IRAG1: variants seen among roughly 807,000 people sequenced by gnomAD.
IRAG1 encodes inositol 1,4,5-triphosphate receptor associated 1.
In IRAG1, 62 loss-of-function variants were observed where a neutral mutation model predicts 106.2. That is an observed-to-expected ratio of 0.58 (90% CI 0.48 to 0.72). IRAG1 has a LOEUF of 0.72. Ranked by LOEUF, IRAG1 falls within the 30% of genes least tolerant of loss-of-function variation. IRAG1 has a pLI of 0.00. For missense variants in IRAG1, 1,064 were observed against 1,140.7 expected, an observed-to-expected ratio of 0.93 and a Z score of 0.97; for synonymous variants, 462 against 443.9, an observed-to-expected ratio of 1.04 and a Z score of -0.51.
intron 2 of IRAG1, among the ~76,000 whole-genome samples, chr11:10,645,136 T>C (rs1564925760): frequency 6.6e-6 from 1 of 152,178 alleles, no homozygotes; most frequent in Non-Finnish European, 1.5e-5. Context: ...TAAACATTTA[T>C]TGAGCAAATT....
In IRAG1 at chr11:10,580,569, T is replaced by G; in HGVS notation, c.2381A>C (p.Lys794Thr). The change falls in exon 20 of 21, where the codon AAG becomes ACG. Residue 794 changes from lysine (K) to threonine (T), a missense_variant. Coordinates refer to ENST00000423302, the MANE Select transcript of IRAG1 (RefSeq NM_130385.4). ...YSKGFQEGLKKTKELQDLKEE... is the reference protein window; with the variant it reads ...YSKGFQEGLKTTKELQDLKEE... ...CTTCAGGTCTTGAAGTTCTTTGGTC[T>G]TCTTTAGACCTTCTTGGAATCTGGG... is the stretch of plus-strand genomic sequence containing the variant. 6.2e-7 allele frequency: 1 copy of G among 1,613,902 alleles called. No individual in the cohort carries two copies. Among genetic ancestry groups the G allele is most frequent in the Non-Finnish European group, 8.5e-7 (1 of 1,179,872 alleles).
chr11:10,684,643 T>C (rs1186217333), intron 1 of IRAG1, among the ~76,000 whole-genome samples: 1 of 144,458 alleles, frequency 6.9e-6, no homozygotes, highest in Admixed American at 6.8e-5. Context: ...ATAATAATAA[T>C]AATAAAGAGA....
At chr11:10,624,295 G>A (rs1284406232) in intron 9 of IRAG1, among the ~76,000 whole-genome samples, 1 of 152,190 alleles carries the variant, frequency 6.6e-6, no homozygotes, top group African/African-American at 2.4e-5. Flanking sequence ...TTCCTGCCCT[G>A]TCATTCCGGG....
At chr11:10,677,219 C>G (rs1212247562) in intron 1 of IRAG1, among the ~76,000 whole-genome samples, 2 of 152,186 alleles carry the variant, frequency 1.3e-5, no homozygotes, top group Non-Finnish European at 2.9e-5. Context: ...GGAAGTTCCT[C>G]ACTTCTTTCT....
chr11:10,597,712 G>A (rs1009645554), intron 15 of IRAG1, among the ~76,000 whole-genome samples: 22 of 152,126 alleles, frequency 1.4e-4, no homozygotes, highest in African/African-American at 5.3e-4. Flanking sequence ...TTTATTTTCC[G>A]AGGTTCTTAG....
intron 17 of IRAG1, among the ~76,000 whole-genome samples, chr11:10,591,938 T>C (rs16908007): frequency 0.016 from 2,473 of 152,350 alleles, 66 homozygotes; most frequent in African/African-American, 0.057. Flanking sequence ...CAACTGTGAC[T>C]GAACACCAGT....
intron 1 of IRAG1, among the ~76,000 whole-genome samples, chr11:10,664,383 T>C (rs1356751234): frequency 6.6e-6 from 1 of 152,160 alleles, no homozygotes; most frequent in Non-Finnish European, 1.5e-5. Context: ...GGGCAAAGTC[T>C]GGTGTAAAGC....
chr11:10,664,109 T>G (rs1422287946), intron 1 of IRAG1, among the ~76,000 whole-genome samples: 2 of 152,130 alleles, frequency 1.3e-5, no homozygotes, highest in Non-Finnish European at 2.9e-5. Flanking sequence ...CAGCTCTTCC[T>G]CAGGGCCAGC....
intron 18 of IRAG1, among the ~76,000 whole-genome samples, chr11:10,585,103 C>T (rs941283163): frequency 6.6e-6 from 1 of 152,160 alleles, no homozygotes; most frequent in Non-Finnish European, 1.5e-5. Flanking sequence ...GCTTTAGGAA[C>T]TTTCTCAGGT....
chr11:10,664,828 T>C lies in IRAG1; in HGVS notation c.68-12646A>G, dbSNP rs116044450. On this transcript the variant is annotated intron_variant, in intron 1 of 20. Transcript: ENST00000423302. ...GAAAGCAGAATCCCTCTTAAGATGA[T>C]GAAGAAGAACTTGTCTAAGGATGGA... is the stretch of plus-strand genomic sequence containing the variant. Among the ~76,000 whole-genome samples the C allele has an allele frequency of 3.1e-3, 468 of 152,254 alleles. 5 individuals carry two copies. The highest frequency in any genetic ancestry group is 0.011 in the African/African-American group (438 of 41,542).
intron 15 of IRAG1, among the ~76,000 whole-genome samples, chr11:10,596,634 C>A (rs1853344232): frequency 6.6e-6 from 1 of 152,188 alleles, no homozygotes; most frequent in Admixed American, 6.5e-5. Context: ...GTATTTGGGA[C>A]TTTCTCATTC....
At chr11:10,591,900 G>A (rs1395406422) in intron 17 of IRAG1, among the ~76,000 whole-genome samples, 1 of 152,176 alleles carries the variant, frequency 6.6e-6, no homozygotes, top group Non-Finnish European at 1.5e-5. Context: ...CTGGAGAGGA[G>A]CCATCAGTTT....
chr11:10,631,344 C>A (rs1459933393), intron 4 of IRAG1, among the ~76,000 whole-genome samples: 2 of 152,194 alleles, frequency 1.3e-5, no homozygotes, highest in Non-Finnish European at 1.5e-5. Context: ...CCTGGAATGC[C>A]TTTCCTCCCT....
intron 7 of IRAG1, 65 bp from the exon 8 acceptor site, chr11:10,627,825 T>G: frequency 6.2e-7 from 1 of 1,608,462 alleles, no homozygotes; most frequent in Non-Finnish European, 8.5e-7. Context: ...TCTTGAAATA[T>G]CCCCAAGGAG....
At chr11:10,645,018 C>G (rs1345432685) in intron 2 of IRAG1, among the ~76,000 whole-genome samples, 1 of 152,116 alleles carries the variant, frequency 6.6e-6, no homozygotes, top group Admixed American at 6.5e-5. Flanking sequence ...GGGAGAAGGC[C>G]GTGGGAGAAC....
intron 1 of IRAG1, among the ~76,000 whole-genome samples, chr11:10,673,807 C>T (rs1860438491): frequency 6.6e-6 from 1 of 152,052 alleles, no homozygotes; most frequent in Non-Finnish European, 1.5e-5. Context: ...TGATTTATAA[C>T]GTGCCTTCCA....
intron 2 of IRAG1, among the ~76,000 whole-genome samples, chr11:10,638,150 A>G (rs1857271204): frequency 6.6e-6 from 1 of 152,214 alleles, no homozygotes; most frequent in Non-Finnish European, 1.5e-5. Flanking sequence ...TGCAAATTAG[A>G]GACCCATGTG....
chr11:10,646,921 C>A (rs574522923), intron 2 of IRAG1, among the ~76,000 whole-genome samples: 2 of 152,138 alleles, frequency 1.3e-5, no homozygotes, highest in African/African-American at 2.4e-5. Flanking sequence ...AGACAGCCCA[C>A]TCAAGTTAAA....
In IRAG1 at chr11:10,612,041, C is replaced by T. The variant is rs557366032; in HGVS notation, c.1448-2190G>A. ...GGGATTTACAAGGAAGGAAGACTAA[C>T]GGTAAAGTAAATAAAACACGTCCCT... is the stretch of plus-strand genomic sequence containing the variant. On this transcript the variant is annotated intron_variant, in intron 10 of 20. Coordinates refer to ENST00000423302, the MANE Select transcript of IRAG1 (RefSeq NM_130385.4). Among the ~76,000 whole-genome samples the T allele has an allele frequency of 3.9e-5, 6 of 152,252 alleles. No individual in the cohort carries two copies. The South Asian group carries it at 1.0e-3, about 26-fold the overall frequency.
Sources: gnomAD v4.1 joint callset for allele counts (sites outside exome capture counted in the v4.1 genomes callset) on GRCh38, gnomAD v4.1.1 for gene constraint, MANE v1.5 for transcripts, NCBI Gene and HGNC (gene_info 2026-07-23, HGNC 2026-07-21) for gene names.